The following ZNF385D variants were observed in gnomAD, a reference collection of about 807,000 sequenced individuals.
The protein encoded by ZNF385D is zinc finger protein 659.
Under a neutral mutation model 35.8 loss-of-function variants are expected in ZNF385D, and 15 were observed. The observed-to-expected ratio is 0.42, with a 90% confidence interval of 0.28 to 0.64. The LOEUF (loss-of-function observed/expected upper bound fraction) is 0.64. Among genes scored for constraint, ZNF385D ranks in the 30% least tolerant of loss-of-function variants. The pLI is 0.23. For synonymous variants in ZNF385D, 212 were observed against 186.8 expected, an observed-to-expected ratio of 1.13 and a Z score of -1.10; for missense variants, 474 against 494.6, an observed-to-expected ratio of 0.96 and a Z score of 0.39.
chr3:21,488,626 C>A (rs1575033176), intron 4 of ZNF385D, among the ~76,000 whole-genome samples: 1 of 152,102 alleles, frequency 6.6e-6, no homozygotes, highest in East Asian at 1.9e-4. Context: ...CTGTGAGAAA[C>A]CATGTGTATC....
chr3:21,734,416 A>AT (rs1387690620), intron 1 of ZNF385D, among the ~76,000 whole-genome samples: 3 of 151,966 alleles, frequency 2.0e-5, no homozygotes, highest in African/African-American at 4.8e-5. Context: ...AGAAGGTGCC[A>AT]TTTGCAATGA....
Position 21,436,983 on chromosome 3 carries a change from C to T in ZNF385D, c.660G>A (p.Glu220=). 6.2e-7 allele frequency: 1 copy of T among 1,613,820 alleles called. No homozygotes were observed. Among genetic ancestry groups the T allele is most frequent in the Non-Finnish European group, 8.5e-7 (1 of 1,179,840 alleles). ...KVAVNSASQL[E]AHNSGTKHKT... is the part of the protein sequence containing the mutation. ...GCTGCATCTCACCACTGTTGTGCGCCTCCAGCTGCGAGGCAGAGTTGACAG... is the reference window on the plus strand; with the variant it reads ...GCTGCATCTCACCACTGTTGTGCGCTTCCAGCTGCGAGGCAGAGTTGACAG... The change falls in exon 5 of 8, where the codon GAG becomes GAA. Residue 220 remains glutamate, a synonymous_variant. Transcript: ENST00000281523.
At chr3:21,782,578 C>T (rs2071535012) in intron 3 of ZNF385D, among the ~76,000 whole-genome samples, 1 of 151,994 alleles carries the variant, frequency 6.6e-6, no homozygotes, top group African/African-American at 2.4e-5. Context: ...TAAACCTCTC[C>T]AGATTTGCTA....
chr3:22,073,351 C>T (rs74460255), intron 3 of ZNF385D, among the ~76,000 whole-genome samples: 9,947 of 147,654 alleles, frequency 0.067, 437 homozygotes, highest in East Asian at 0.12. Context: ...AAAGGAAATT[C>T]GTGTAATTTC....
chr3:21,991,020 G>C (rs1361304767), intron 3 of ZNF385D, among the ~76,000 whole-genome samples: 1 of 152,186 alleles, frequency 6.6e-6, no homozygotes, highest in Admixed American at 6.5e-5. Context: ...ATTTGCAGTG[G>C]TTTGTTACGG....
Position 22,203,372 on chromosome 3 carries a change from G to C in ZNF385D, c.107-34337C>G, listed in dbSNP as rs931843255. The stretch of plus-strand genomic sequence containing the variant: ...GCTGATTAAAGAGTCCCTGAGTCTT[G>C]AATTATAAGCAGTGGTAACCAGCTA... On this transcript the variant is annotated intron_variant, in intron 2 of 5. Coordinates refer to the ZNF385D transcript ENST00000494108. 3.9e-5 allele frequency among the ~76,000 whole-genome samples: 6 copies of C among 152,108 alleles called. No individual in the cohort carries two copies. In the East Asian group the frequency reaches 1.2e-3, roughly 29 times the overall value.
intron 2 of ZNF385D, among the ~76,000 whole-genome samples, chr3:22,293,073 T>C (rs968585809): frequency 6.6e-6 from 1 of 152,146 alleles, no homozygotes; most frequent in African/African-American, 2.4e-5. Context: ...CTCATGTGTA[T>C]GCTGAACATT....
chr3:21,630,848 G>T (rs2065260967), intron 2 of ZNF385D, among the ~76,000 whole-genome samples: 1 of 152,230 alleles, frequency 6.6e-6, no homozygotes, highest in Non-Finnish European at 1.5e-5. Flanking sequence ...ACATACCCAG[G>T]AAGGTAGTAC....
At chr3:21,792,589 T>G (rs2071974945) in intron 3 of ZNF385D, among the ~76,000 whole-genome samples, 1 of 152,152 alleles carries the variant, frequency 6.6e-6, no homozygotes, top group Non-Finnish European at 1.5e-5. Flanking sequence ...ATCTTTGAAC[T>G]GCTAAAGACT....
chr3:21,710,120 G>A (rs541571069), intron 1 of ZNF385D, among the ~76,000 whole-genome samples: 5 of 152,186 alleles, frequency 3.3e-5, no homozygotes, highest in East Asian at 3.9e-4. Flanking sequence ...TCAGACAAGC[G>A]CTTTCAGGAG....
At chr3:22,094,641 T>C (rs928028936) in intron 3 of ZNF385D, among the ~76,000 whole-genome samples, 6 of 151,914 alleles carry the variant, frequency 3.9e-5, no homozygotes, top group African/African-American at 7.2e-5. Context: ...TGAGAAGCTT[T>C]GGTTCAAAGA....
chr3:22,175,107 A>C (rs918670400), intron 2 of ZNF385D, among the ~76,000 whole-genome samples: 1 of 151,804 alleles, frequency 6.6e-6, no homozygotes, highest in Non-Finnish European at 1.5e-5. Flanking sequence ...GGGAGTTGTA[A>C]TTTGTATGAT....
At chr3:22,197,387 C>CATGATTT (rs2125236392) in intron 2 of ZNF385D, among the ~76,000 whole-genome samples, 2 of 152,116 alleles carry the variant, frequency 1.3e-5, no homozygotes, top group South Asian at 4.1e-4. Context: ...GTTTCCTACC[C>CATGATTT]ATGATTTGTT....
At chr3:21,471,379 C>T (rs1264447024) in intron 4 of ZNF385D, among the ~76,000 whole-genome samples, 1 of 149,824 alleles carries the variant, frequency 6.7e-6, no homozygotes, top group East Asian at 2.0e-4. Flanking sequence ...TAGGATCTAT[C>T]CATACAAGGA....
In ZNF385D at chr3:21,852,076, G is replaced by A. The variant is rs182797073; in HGVS notation, c.326-187048C>T. Among the ~76,000 whole-genome samples the A allele has an allele frequency of 2.8e-4, 43 of 152,056 alleles. 1 individual carries two copies. In the East Asian group the frequency reaches 4.3e-3, roughly 15 times the overall value. ...TCCAATGTCTAGACTCTGTTTGGTA[G>A]ATTCTCAAAATGTATTTTCTGAATG... On this transcript the variant is annotated intron_variant, in intron 3 of 5. Coordinates refer to the ZNF385D transcript ENST00000494108.
intron 3 of ZNF385D, among the ~76,000 whole-genome samples, chr3:22,106,577 T>C (rs1311014791): frequency 6.6e-6 from 1 of 152,162 alleles, no homozygotes; most frequent in African/African-American, 2.4e-5. Context: ...ATTAGTCAGC[T>C]TGAGTCTCTC....
intron 1 of ZNF385D, among the ~76,000 whole-genome samples, chr3:21,728,557 G>A (rs1226556036): frequency 6.6e-6 from 1 of 152,130 alleles, no homozygotes; most frequent in Non-Finnish European, 1.5e-5. Flanking sequence ...ATAAGCAATA[G>A]AAACCCTACA....
At chr3:22,310,848 CTTT>C (rs1212966180) in intron 2 of ZNF385D, among the ~76,000 whole-genome samples, 4 of 151,682 alleles carry the variant, frequency 2.6e-5, no homozygotes, top group Admixed American at 1.3e-4. Flanking sequence ...TTTTAATTAA[CTTT>C]TTTGATTTGT....
At chr3:21,678,044 A>T (rs1203252872) in intron 1 of ZNF385D, among the ~76,000 whole-genome samples, 1 of 152,004 alleles carries the variant, frequency 6.6e-6, no homozygotes, top group African/African-American at 2.4e-5. Flanking sequence ...ATCCTCCTTA[A>T]CACAACATAC....
Sources: gnomAD v4.1 joint callset for allele counts (sites outside exome capture counted in the v4.1 genomes callset) on GRCh38, gnomAD v4.1.1 for gene constraint, MANE v1.5 for transcripts, NCBI Gene and HGNC (gene_info 2026-07-23, HGNC 2026-07-21) for gene names.